FOXP1: variants seen among roughly 807,000 people sequenced by gnomAD.
FOXP1 encodes forkhead box protein P1.
In FOXP1, 15 loss-of-function variants were observed where a neutral mutation model predicts 98.2. That is an observed-to-expected ratio of 0.15 (90% CI 0.10 to 0.24). The LOEUF (loss-of-function observed/expected upper bound fraction) is 0.24. FOXP1 is among the 10% of genes least tolerant of loss of function. The pLI, the probability that FOXP1 is intolerant of heterozygous loss-of-function variation, is 1.00. For synonymous variants in FOXP1, 371 were observed against 314.5 expected, an observed-to-expected ratio of 1.18 and a Z score of -1.90; for missense variants, 633 against 848.5, an observed-to-expected ratio of 0.75 and a Z score of 3.15.
chr3:71,263,574 G>A (rs1162689028), intron 5 of FOXP1, among the ~76,000 whole-genome samples: 1 of 146,244 alleles, frequency 6.8e-6, no homozygotes, highest in Non-Finnish European at 1.6e-5. Flanking sequence ...TGAGGAAGGT[G>A]CCTATGCTTC....
At chr3:70,973,721 G>T (rs1277138946) in intron 17 of FOXP1, among the ~76,000 whole-genome samples, 1 of 151,884 alleles carries the variant, frequency 6.6e-6, no homozygotes, top group East Asian at 1.9e-4. Flanking sequence ...GTAAGTAGAT[G>T]ACTCAATAGT....
At chr3:71,196,136 G>A (rs1011576712) in intron 6 of FOXP1, among the ~76,000 whole-genome samples, 4 of 152,042 alleles carry the variant, frequency 2.6e-5, no homozygotes, top group Admixed American at 6.5e-5. Flanking sequence ...ATGTGTCAAC[G>A]ACATACGGAG....
At chr3:71,247,557 C>G (rs965269085) in intron 5 of FOXP1, among the ~76,000 whole-genome samples, 1 of 152,126 alleles carries the variant, frequency 6.6e-6, no homozygotes, top group Non-Finnish European at 1.5e-5. Context: ...GGCCTGCGAG[C>G]GACTTTGGTG....
intron 4 of FOXP1, among the ~76,000 whole-genome samples, chr3:71,313,762 T>C (rs1156354363): frequency 6.6e-6 from 1 of 152,082 alleles, no homozygotes; most frequent in Non-Finnish European, 1.5e-5. Flanking sequence ...CCTGACCTCG[T>C]GATCCGCCCA....
chr3:70,955,507 T>C lies in FOXP1; in HGVS notation c.*3740A>G, dbSNP rs1388150467. The stretch of plus-strand genomic sequence containing the variant: ...CTGACACACGGGACTACCTCCCTAA[T>C]GTATGCTTTTCTTTGAGAAAAAAAA... On this transcript the variant is annotated 3_prime_UTR_variant, in exon 21 of 21. Coordinates refer to ENST00000649528, the MANE Select transcript of FOXP1 (RefSeq NM_001349338.3). 1.7e-5 allele frequency: 4 copies of C among 232,852 alleles called. No individual in the cohort carries two copies. Among genetic ancestry groups the C allele is most frequent in the Non-Finnish European group, 2.5e-5 (3 of 117,890 alleles). 14.4% of individuals were successfully genotyped at this position (232,852 alleles called of 1,614,324 possible).
intron 10 of FOXP1, among the ~76,000 whole-genome samples, chr3:71,045,740 T>C (rs1349995549): frequency 6.6e-6 from 1 of 152,140 alleles, no homozygotes; most frequent in Non-Finnish European, 1.5e-5. Context: ...GGACAGAAGT[T>C]GGGTGTGGTG....
Position 71,273,651 on chromosome 3 carries a change from G to C in FOXP1, c.-12+26169C>G, listed in dbSNP as rs1180358998. ...CTTGGAACACAACCCTTTGCTAATG[G>C]GGGGATGACTGCTTGATAATAGGGC... On this transcript the variant is annotated intron_variant, in intron 5 of 20. Coordinates refer to ENST00000649528, the MANE Select transcript of FOXP1 (RefSeq NM_001349338.3). 3.2e-4 allele frequency among the ~76,000 whole-genome samples: 49 copies of C among 152,154 alleles called. 1 individual carries two copies. The highest frequency in any genetic ancestry group is 3.2e-3 in the Admixed American group (49 of 15,266).
intron 3 of FOXP1, among the ~76,000 whole-genome samples, chr3:71,491,329 T>C (rs1046699395): frequency 2.0e-5 from 3 of 152,288 alleles, no homozygotes; most frequent in African/African-American, 7.2e-5. Flanking sequence ...ATACGACTTT[T>C]CTTAGCATGT....
At chr3:71,163,799 G>T (rs1164987303) in intron 6 of FOXP1, among the ~76,000 whole-genome samples, 3 of 152,022 alleles carry the variant, frequency 2.0e-5, no homozygotes, top group Non-Finnish European at 4.4e-5. Flanking sequence ...AAAACAAACA[G>T]TTTCAAGCAG....
intron 3 of FOXP1, among the ~76,000 whole-genome samples, chr3:71,428,323 TC>T (rs537215302): frequency 3.6e-4 from 55 of 152,364 alleles, no homozygotes; most frequent in African/African-American, 1.3e-3. Flanking sequence ...CTCTGTCAAG[TC>T]CTCTGCAATC....
chr3:71,503,443 A>G (rs999074118), intron 2 of FOXP1, among the ~76,000 whole-genome samples: 3 of 152,114 alleles, frequency 2.0e-5, no homozygotes, highest in Non-Finnish European at 4.4e-5. Context: ...TCTACTAAAA[A>G]TACAAAAATT....
chr3:71,581,201 G>T (rs950250339), intron 2 of FOXP1: 96 of 985,190 alleles, frequency 9.7e-5, no homozygotes, highest in Non-Finnish European at 1.1e-4. Context: ...CCCAGCAAGG[G>T]TATTTGGATA....
At chr3:71,565,166 T>C (rs1264271878) in intron 2 of FOXP1, among the ~76,000 whole-genome samples, 1 of 152,116 alleles carries the variant, frequency 6.6e-6, no homozygotes, top group East Asian at 1.9e-4. Flanking sequence ...CAGATACCAA[T>C]GTCTTCTGTC....
chr3:71,463,128 T>C (rs983923125), intron 3 of FOXP1, among the ~76,000 whole-genome samples: 2 of 152,036 alleles, frequency 1.3e-5, no homozygotes, highest in Non-Finnish European at 2.9e-5. Flanking sequence ...TTTGGGAGGC[T>C]GAGGCAGGCA....
chr3:71,157,045 G>A (rs932701006), intron 6 of FOXP1, among the ~76,000 whole-genome samples: 7 of 152,360 alleles, frequency 4.6e-5, no homozygotes, highest in African/African-American at 1.7e-4. Flanking sequence ...AAAAGCACAA[G>A]AGAGTGGAGG....
intron 2 of FOXP1, among the ~76,000 whole-genome samples, chr3:71,565,799 A>G (rs1435812216): frequency 6.6e-6 from 1 of 152,138 alleles, no homozygotes; most frequent in Admixed American, 6.5e-5. Context: ...TGTTTAAATG[A>G]TGTTTGTATT....
At chr3:71,343,191 CATCTGCCACCATTT>C (rs1200283082) in intron 4 of FOXP1, among the ~76,000 whole-genome samples, 3 of 152,234 alleles carry the variant, frequency 2.0e-5, no homozygotes, top group Non-Finnish European at 1.5e-5. Context: ...ATAGAGATGG[CATCTGCCACCATTT>C]ATAGTTTCAT....
At chr3:71,172,303 G>A (rs1447658827) in intron 6 of FOXP1, among the ~76,000 whole-genome samples, 1 of 152,162 alleles carries the variant, frequency 6.6e-6, no homozygotes, top group African/African-American at 2.4e-5. Context: ...TTGGTTATGT[G>A]CAGAATTACT....
At chr3:71,439,238 C>T (rs1046977530) in intron 3 of FOXP1, among the ~76,000 whole-genome samples, 1 of 152,166 alleles carries the variant, frequency 6.6e-6, no homozygotes, top group Non-Finnish European at 1.5e-5. Context: ...TGCTCAGAAC[C>T]CTGGGACCAT....
Sources: gnomAD v4.1 joint callset for allele counts (sites outside exome capture counted in the v4.1 genomes callset) on GRCh38, gnomAD v4.1.1 for gene constraint, MANE v1.5 for transcripts, NCBI Gene and HGNC (gene_info 2026-07-23, HGNC 2026-07-21) for gene names.